The following B4GALNT3 variants were observed in gnomAD, a reference collection of about 807,000 sequenced individuals.
B4GALNT3 encodes beta-1,4-N-acetyl-galactosaminyltransferase 3.
In B4GALNT3, 86 loss-of-function variants were observed where a neutral mutation model predicts 120.2. The observed-to-expected ratio is 0.72, with a 90% CI of 0.60 to 0.86. B4GALNT3 has a LOEUF of 0.86. B4GALNT3 is among the 40% of genes least tolerant of loss of function. The pLI, the probability that B4GALNT3 is intolerant of heterozygous loss-of-function variation, is 0.00. For missense variants in B4GALNT3, 1,167 were observed against 1,298.9 expected, an observed-to-expected ratio of 0.90 and a Z score of 1.56; for synonymous variants, 518 against 510.4, an observed-to-expected ratio of 1.01 and a Z score of -0.20.
chr12:541,096 G>A (rs531863851), intron 3 of B4GALNT3, among the ~76,000 whole-genome samples: 2 of 152,226 alleles, frequency 1.3e-5, no homozygotes, highest in African/African-American at 2.4e-5. Context: ...GCTTTAGAAC[G>A]AGAGTTCTGG....
intron 1 of B4GALNT3, among the ~76,000 whole-genome samples, chr12:498,313 C>T (rs531097519): frequency 4.7e-4 from 72 of 152,140 alleles, no homozygotes; most frequent in Non-Finnish European, 8.7e-4. Context: ...CCACCATGTC[C>T]GCCCAAGTCC....
At chr12:521,075 C>T (rs1227531603) in intron 1 of B4GALNT3, among the ~76,000 whole-genome samples, 2 of 152,178 alleles carry the variant, frequency 1.3e-5, no homozygotes, top group Non-Finnish European at 1.5e-5. Context: ...AAGTCACACC[C>T]CCGGTTCAGG....
At chr12:512,232 CCTTCCACCTTCCACCTT>C (rs1417918900) in intron 1 of B4GALNT3, among the ~76,000 whole-genome samples, 8 of 88,960 alleles carry the variant, frequency 9.0e-5, no homozygotes, top group Admixed American at 1.2e-4. Flanking sequence ...CCTTCTTCCA[CCTTCCACCTTCCACCTT>C]CTTCCACCTT....
chr12:460,720 G>C lies in B4GALNT3; in HGVS notation c.169+175G>C, dbSNP rs1282251859. On this transcript the variant is annotated intron_variant, in intron 1 of 19. Coordinates refer to ENST00000266383, the MANE Select transcript of B4GALNT3 (RefSeq NM_173593.4). This position sits in a 1 kb window ranked among gnomAD's most constrained non-coding sequence, Gnocchi z 8.0. The stretch of plus-strand genomic sequence containing the variant: ...GGGAGAGCTGCGGGCGGGGGAAGCC[G>C]CGGGGCCGAGCGCAGAATTCCCGAG... Among the ~76,000 whole-genome samples the C allele has an allele frequency of 2.0e-5, 3 of 152,146 alleles. No individual in the cohort carries two copies. Among genetic ancestry groups the C allele is most frequent in the Admixed American group, 6.5e-5 (1 of 15,292 alleles).
chr12:471,543 C>CT (rs1565587256), intron 1 of B4GALNT3, among the ~76,000 whole-genome samples: 1 of 151,504 alleles, frequency 6.6e-6, no homozygotes, highest in South Asian at 2.1e-4. Flanking sequence ...CCCGTCTCTA[C>CT]TAAAAATACA....
At chr12:549,140 G>A (rs917742788) in intron 9 of B4GALNT3, among the ~76,000 whole-genome samples, 4 of 152,098 alleles carry the variant, frequency 2.6e-5, no homozygotes, top group African/African-American at 7.2e-5. Flanking sequence ...ATAGGCCTCC[G>A]TGGCAGGTGT....
intron 1 of B4GALNT3, among the ~76,000 whole-genome samples, chr12:470,474 G>A (rs1946125197): frequency 2.0e-5 from 3 of 152,238 alleles, no homozygotes; most frequent in South Asian, 2.1e-4. Flanking sequence ...GCAAAGGTGG[G>A]CAGGAGGATG....
chr12:548,821 C>T lies in B4GALNT3; in HGVS notation c.853+524C>T, dbSNP rs1458954164. ...GCTACTGGGAAGGATCGCTTGAGCC[C>T]AGGAGTTCGAAGCTGAAGCTACAGT... On this transcript the variant is annotated intron_variant, in intron 9 of 19. Coordinates refer to ENST00000266383, the MANE Select transcript of B4GALNT3 (RefSeq NM_173593.4). This position sits in a 1 kb window ranked among gnomAD's most constrained non-coding sequence, Gnocchi z 4.9. Among the ~76,000 whole-genome samples, 4 of 152,152 alleles carry T rather than the reference C, an allele frequency of 2.6e-5. No individual in the cohort carries two copies. Among genetic ancestry groups the T allele is most frequent in the Non-Finnish European group, 5.9e-5 (4 of 68,026 alleles).
intron 1 of B4GALNT3, among the ~76,000 whole-genome samples, chr12:469,965 C>T (rs549945312): frequency 2.6e-5 from 4 of 152,130 alleles, no homozygotes; most frequent in Admixed American, 6.5e-5. Context: ...TAATGTACAC[C>T]GTGCATGGCC....
At chr12:551,087 T>C (rs1279857485) in intron 11 of B4GALNT3, 56 bp downstream of exon 11, 1 of 1,415,002 alleles carries the variant, frequency 7.1e-7, no homozygotes, top group Non-Finnish European at 9.9e-7. Flanking sequence ...TTGCTGCCTG[T>C]GACTGGGATG....
rs1473364974 is a variant in B4GALNT3, at chr12:460,390, G to C, written c.14G>C (p.Arg5Pro). The change falls in exon 1 of 20, where the codon CGG becomes CCG. Residue 5 changes from arginine to proline, a missense_variant. Arg to Pro is a moderately radical substitution (Grantham distance 103). Around this residue, in one of 3 missense-constraint regions of B4GALNT3, gnomAD observed 171 missense variants for 161.3 expected, o/e 1.06. Transcript: ENST00000266383. This position sits in a 1 kb window ranked among gnomAD's most constrained non-coding sequence, Gnocchi z 8.0. MGSP[R>P]AARPPLLLRP... is the part of the protein sequence containing the mutation. ...CGGCGCAGCGCCATGGGGAGCCCCC[G>C]GGCCGCGCGGCCCCCGCTGCTCCTG... is the stretch of plus-strand genomic sequence containing the variant. 30 of 1,468,560 alleles carry C rather than the reference G, an allele frequency of 2.0e-5. No homozygotes were observed. The highest frequency in any genetic ancestry group is 2.6e-5 in the Non-Finnish European group (29 of 1,110,922). The allele number at this position is 1,468,560 out of a possible 1,614,324, so 91.0% of individuals were successfully genotyped here. A position where few individuals can be genotyped will look rare whatever the true frequency, so the allele number is the denominator to read the frequency against.
At chr12:531,873 T>C (rs1946811396) in intron 1 of B4GALNT3, among the ~76,000 whole-genome samples, 2 of 152,110 alleles carry the variant, frequency 1.3e-5, no homozygotes, top group African/African-American at 4.8e-5. Flanking sequence ...ATTTCCACCA[T>C]TCAGATGAAG....
chr12:495,004 C>T (rs901568812), intron 1 of B4GALNT3, among the ~76,000 whole-genome samples: 3 of 152,172 alleles, frequency 2.0e-5, no homozygotes, highest in Non-Finnish European at 4.4e-5. Context: ...CTCTGCATAG[C>T]GTAAGCACAG....
intron 3 of B4GALNT3, among the ~76,000 whole-genome samples, chr12:541,006 G>A (rs1946908519): frequency 1.3e-5 from 2 of 152,230 alleles, no homozygotes; most frequent in African/African-American, 4.8e-5. Flanking sequence ...GCCTCCCAAA[G>A]TGCTGGGATT....
chr12:478,980 G>A (rs1055807619), intron 1 of B4GALNT3, among the ~76,000 whole-genome samples: 1 of 152,178 alleles, frequency 6.6e-6, no homozygotes, highest in Non-Finnish European at 1.5e-5. Context: ...CCTGGAGTTC[G>A]CTGGGAAGAC....
intron 1 of B4GALNT3, among the ~76,000 whole-genome samples, chr12:495,030 A>G (rs1469343164): frequency 6.6e-6 from 1 of 152,218 alleles, no homozygotes; most frequent in Non-Finnish European, 1.5e-5. Flanking sequence ...GCATTTTACT[A>G]TTAAATAATA....
At chr12:485,437 C>T (rs1216344865) in intron 1 of B4GALNT3, among the ~76,000 whole-genome samples, 6 of 152,228 alleles carry the variant, frequency 3.9e-5, no homozygotes, top group Admixed American at 3.9e-4. Flanking sequence ...GATTCTATGA[C>T]ATTAGGAACC....
intron 1 of B4GALNT3, among the ~76,000 whole-genome samples, chr12:506,926 G>A (rs745374471): frequency 5.3e-5 from 8 of 152,204 alleles, no homozygotes; most frequent in Non-Finnish European, 1.2e-4. Flanking sequence ...GTGAGCCACC[G>A]TGCCCGGCCA....
rs576521537 is a variant in B4GALNT3 at position 509,625 on chromosome 12, G to A, written c.170-25541G>A. Among the ~76,000 whole-genome samples the A allele has an allele frequency of 3.2e-4, 48 of 152,284 alleles. No individual in the cohort carries two copies. In the South Asian group the frequency reaches 8.7e-3, roughly 28 times the overall value. On this transcript the variant is annotated intron_variant, in intron 1 of 19. Coordinates refer to ENST00000266383, the MANE Select transcript of B4GALNT3 (RefSeq NM_173593.4). The stretch of plus-strand genomic sequence containing the variant: ...CAAAGCCGGAAATGCCTGGGTAGGG[G>A]GGTGGCAAGAGCATGCGGTTCCACT...
Sources: allele counts gnomAD v4.1 joint callset (sites outside exome capture counted in the v4.1 genomes callset), GRCh38; gene constraint gnomAD v4.1.1; regional missense constraint gnomAD v4.1.1; non-coding constraint Gnocchi (gnomAD v3.1); transcripts MANE v1.5; gene names NCBI Gene and HGNC (gene_info 2026-07-23, HGNC 2026-07-21).